CYP4X1: variants seen among roughly 807,000 people sequenced by gnomAD.
CYP4X1 encodes the protein cytochrome P450 4X1.
A neutral mutation model predicts 57.9 loss-of-function variants in CYP4X1; 44 were observed. The ratio of observed to expected loss-of-function variants is 0.76; its 90% CI spans 0.60 to 0.98. The LOEUF is 0.98. Among genes scored for constraint, CYP4X1 ranks in the 50% least tolerant of loss-of-function variants. The probability of loss-of-function intolerance (pLI) is 0.00; values close to 1 mark genes in which losing one functional copy is unlikely to be tolerated. For missense variants in CYP4X1, 532 were observed against 623.9 expected, an observed-to-expected ratio of 0.85 and a Z score of 1.57; for synonymous variants, 227 against 228.6, an observed-to-expected ratio of 0.99 and a Z score of 0.06.
chr1:47,042,299 T>C (rs1569646131), intron 8 of CYP4X1, among the ~76,000 whole-genome samples: 1 of 129,314 alleles, frequency 7.7e-6, no homozygotes, highest in Admixed American at 7.8e-5. Context: ...TTTTTTTTTT[T>C]CGATTACTGT....
chr1:47,054,774 C>A (rs1644382520), downstream of CYP4X1, among the ~76,000 whole-genome samples: 1 of 152,092 alleles, frequency 6.6e-6, no homozygotes. Context: ...GATTTTGTAT[C>A]CTGAGACTTT....
the CYP4X1 span, among the ~76,000 whole-genome samples, chr1:47,013,544 T>C: frequency 5.3e-5 from 8 of 152,188 alleles, no homozygotes; most frequent in Admixed American, 4.6e-4. Flanking sequence ...GTTACATTAC[T>C]TATGTGATGT....
At chr1:46,987,490 G>T in the CYP4X1 span, among the ~76,000 whole-genome samples, 1 of 152,066 alleles carries the variant, frequency 6.6e-6, no homozygotes, top group Admixed American at 6.6e-5. Context: ...CAGAAAATTA[G>T]CAAGGATATT....
chr1:47,048,404 G>A (rs775305907), intron 9 of CYP4X1, among the ~76,000 whole-genome samples, 161 bp from the exon 10 acceptor site: 9 of 152,188 alleles, frequency 5.9e-5, no homozygotes, highest in Non-Finnish European at 1.2e-4. Context: ...AACCCAAGCC[G>A]CATCTTCTTA....
upstream of CYP4X1, among the ~76,000 whole-genome samples, chr1:47,021,158 A>AC (rs1229327870): frequency 6.6e-6 from 1 of 150,598 alleles, no homozygotes; most frequent in Non-Finnish European, 1.5e-5. Flanking sequence ...AAAAAAAAAA[A>AC]AAAAAAAAAA....
the CYP4X1 span, among the ~76,000 whole-genome samples, chr1:46,972,357 T>C: frequency 6.6e-6 from 1 of 152,230 alleles, no homozygotes; most frequent in Admixed American, 6.5e-5. Flanking sequence ...CAGTATATTT[T>C]AAAGTCAGGT....
chr1:47,053,086 G>C (rs1644369698), downstream of CYP4X1, among the ~76,000 whole-genome samples: 1 of 151,222 alleles, frequency 6.6e-6, no homozygotes, highest in Non-Finnish European at 1.5e-5. Context: ...CCCCACAACA[G>C]TCCCCAGTGT....
the CYP4X1 span, among the ~76,000 whole-genome samples, chr1:46,978,813 T>A: frequency 6.6e-6 from 1 of 152,192 alleles, no homozygotes; most frequent in African/African-American, 2.4e-5. Flanking sequence ...AGCTCAGGAT[T>A]AAGAAACTCA....
chr1:46,977,583 C>T, the CYP4X1 span, among the ~76,000 whole-genome samples: 4 of 151,994 alleles, frequency 2.6e-5, no homozygotes, highest in Admixed American at 2.0e-4. Context: ...CTTCCCCAAC[C>T]TAGCAAGGTA....
the CYP4X1 span, among the ~76,000 whole-genome samples, chr1:46,966,762 AATAGTTAACTTT>A: frequency 1.3e-5 from 2 of 152,354 alleles, no homozygotes; most frequent in East Asian, 3.9e-4. Flanking sequence ...ATATATTAAT[AATAGTTAACTTT>A]AATATTCTCT....
rs954425541 is a variant in CYP4X1 at position 47,050,701 on chromosome 1, C to T, written c.*527C>T. On this transcript the variant is annotated 3_prime_UTR_variant, in exon 12 of 12. Coordinates refer to ENST00000371901, the MANE Select transcript of CYP4X1 (RefSeq NM_178033.2). ...TGTATTTGTATAGATGTGATCATTC[C>T]TATATTGTTATTGATTTTTTTCACT... 1 of 152,174 alleles carries T rather than the reference C, an allele frequency of 6.6e-6. No individual in the cohort carries two copies. Among genetic ancestry groups the T allele is most frequent in the African/African-American group, 2.4e-5 (1 of 41,388 alleles). 9.4% of individuals were successfully genotyped at this position (152,174 alleles called of 1,614,324 possible).
the CYP4X1 span, among the ~76,000 whole-genome samples, chr1:46,989,203 T>C: frequency 3.3e-5 from 5 of 152,260 alleles, no homozygotes; most frequent in South Asian, 2.1e-4. Flanking sequence ...CAGCAAAGTC[T>C]CAGGATACAA....
At chr1:47,041,722 TTTAAG>T (rs1326831535) in intron 8 of CYP4X1, among the ~76,000 whole-genome samples, 2 of 152,154 alleles carry the variant, frequency 1.3e-5, no homozygotes, top group African/African-American at 4.8e-5. Context: ...TCTCCCATCC[TTTAAG>T]TTGTCTCTTC....
chr1:47,017,859 A>C, the CYP4X1 span, among the ~76,000 whole-genome samples: 2 of 152,152 alleles, frequency 1.3e-5, no homozygotes, highest in Admixed American at 1.3e-4. Flanking sequence ...AAAATGTATA[A>C]AACCAAGCTG....
At chr1:47,024,943 A>G (rs1644045887) in intron 1 of CYP4X1, among the ~76,000 whole-genome samples, 1 of 152,178 alleles carries the variant, frequency 6.6e-6, no homozygotes, top group Non-Finnish European at 1.5e-5. Context: ...TTCTTCTGGT[A>G]TTTAAATACT....
chr1:47,000,990 G>A, the CYP4X1 span: 1 of 209,480 alleles, frequency 4.8e-6, no homozygotes, highest in East Asian at 1.1e-4. Context: ...AGAGGATAGG[G>A]ATACTGGCAG....
intron 11 of CYP4X1, 69 bp downstream of exon 11, chr1:47,049,573 C>A: frequency 2.3e-6 from 3 of 1,322,888 alleles, no homozygotes; most frequent in Non-Finnish European, 3.3e-6. Flanking sequence ...TTCCTTTCAG[C>A]TCCTCAGCTC....
At chr1:46,964,617 G>T in the CYP4X1 span, among the ~76,000 whole-genome samples, 1 of 152,194 alleles carries the variant, frequency 6.6e-6, no homozygotes, top group African/African-American at 2.4e-5. Context: ...TCTCAGAGGG[G>T]TACCTGACCA....
At chr1:46,975,549 G>C in the CYP4X1 span, among the ~76,000 whole-genome samples, 8 of 151,846 alleles carry the variant, frequency 5.3e-5, no homozygotes, top group Non-Finnish European at 7.4e-5. Flanking sequence ...GCCTGATTAG[G>C]TTCCCTTGGA....
Sources: allele counts gnomAD v4.1 joint callset (sites outside exome capture counted in the v4.1 genomes callset), GRCh38; gene constraint gnomAD v4.1.1; transcripts MANE v1.5; gene names NCBI Gene and HGNC (gene_info 2026-07-23, HGNC 2026-07-21).